NEDD4L: variants seen among roughly 807,000 people sequenced by gnomAD.
NEDD4L encodes the protein NEDD4 like E3 ubiquitin protein ligase.
A neutral mutation model predicts 148.9 loss-of-function variants in NEDD4L; 54 were observed. That is an observed-to-expected ratio of 0.36 (90% CI 0.29 to 0.45). NEDD4L has a LOEUF of 0.45. NEDD4L is among the 20% of genes least tolerant of loss of function. NEDD4L has a pLI of 1.00. For missense variants in NEDD4L, 856 were observed against 1,233.8 expected, an observed-to-expected ratio of 0.69 and a Z score of 4.59; for synonymous variants, 433 against 440.7, an observed-to-expected ratio of 0.98 and a Z score of 0.22.
At chr18:58,301,688 C>G (rs781530218) in intron 5 of NEDD4L, among the ~76,000 whole-genome samples, 2 of 152,156 alleles carry the variant, frequency 1.3e-5, no homozygotes, top group African/African-American at 4.8e-5. Flanking sequence ...GTTGGAGCAG[C>G]CTGTGTTTTT....
At chr18:58,246,462 G>T (rs1262625420) in intron 3 of NEDD4L, among the ~76,000 whole-genome samples, 2 of 151,910 alleles carry the variant, frequency 1.3e-5, no homozygotes, top group African/African-American at 4.8e-5. Flanking sequence ...ATGTCTTTTA[G>T]TTATTTATTT....
In NEDD4L at chr18:58,141,482, G is replaced by T. The variant is rs547722550; in HGVS notation, c.49-24306G>T. 6.6e-5 allele frequency among the ~76,000 whole-genome samples: 10 copies of T among 152,034 alleles called. No homozygotes were observed. In the East Asian group the frequency reaches 7.7e-4, roughly 12 times the overall value. On this transcript the variant is annotated intron_variant, in intron 1 of 30. Coordinates refer to ENST00000400345, the MANE Select transcript of NEDD4L (RefSeq NM_001144967.3). ...TGATTCCTTTGAAAGACAATTTTTGGGTTTTTTTTGTTTTTTTTAAAAAAA... is the reference window on the plus strand; with the variant it reads ...TGATTCCTTTGAAAGACAATTTTTGTGTTTTTTTTGTTTTTTTTAAAAAAA...
At chr18:58,173,431 C>A (rs1474083343) in intron 2 of NEDD4L, among the ~76,000 whole-genome samples, 1 of 152,210 alleles carries the variant, frequency 6.6e-6, no homozygotes, top group African/African-American at 2.4e-5. Context: ...GGGTTGCTAT[C>A]AGTTTTTCTT....
At chr18:58,316,375 GCTT>G (rs1295835084) in intron 6 of NEDD4L, among the ~76,000 whole-genome samples, 1 of 152,146 alleles carries the variant, frequency 6.6e-6, no homozygotes, top group Non-Finnish European at 1.5e-5. Context: ...TACTGTCTCT[GCTT>G]CCTAATGCAT....
intron 1 of NEDD4L, among the ~76,000 whole-genome samples, chr18:58,161,120 GATTCTCCTGCCTCC>G (rs906969314): frequency 2.0e-5 from 3 of 152,120 alleles, no homozygotes; most frequent in African/African-American, 4.8e-5. Flanking sequence ...GGGTTCAAGC[GATTCTCCTGCCTCC>G]ATTCTCCTGC....
intron 29 of NEDD4L, 118 bp downstream of exon 29, chr18:58,390,860 G>T (rs2049725638): frequency 1.4e-6 from 1 of 721,502 alleles, no homozygotes; most frequent in East Asian, 2.7e-5. Flanking sequence ...AGGACAGTGT[G>T]CCATGCATAG....
At chr18:58,248,249 T>C (rs948268934) in intron 3 of NEDD4L, among the ~76,000 whole-genome samples, 22 of 152,344 alleles carry the variant, frequency 1.4e-4, no homozygotes, top group African/African-American at 5.1e-4. Context: ...AGGACAAAGG[T>C]ATCCTTGCCA....
chr18:58,183,734 G>C (rs1057252338), intron 2 of NEDD4L, among the ~76,000 whole-genome samples: 6 of 152,152 alleles, frequency 3.9e-5, no homozygotes, highest in African/African-American at 1.4e-4. Context: ...GTTTTTACTT[G>C]GTTCACCGTA....
chr18:58,368,909 A>C (rs1009057226), intron 22 of NEDD4L, among the ~76,000 whole-genome samples: 2 of 152,178 alleles, frequency 1.3e-5, no homozygotes, highest in South Asian at 4.1e-4. Context: ...ATTCACTCCA[A>C]CTTTCTCAGA....
intron 1 of NEDD4L, among the ~76,000 whole-genome samples, chr18:58,130,349 T>C (rs2031881803): frequency 6.9e-6 from 1 of 144,744 alleles, no homozygotes. Flanking sequence ...TGTTGGGGTT[T>C]GGTTGACTGT....
chr18:58,139,195 CT>C (rs1443216358), intron 1 of NEDD4L, among the ~76,000 whole-genome samples: 1 of 152,152 alleles, frequency 6.6e-6, no homozygotes, highest in East Asian at 1.9e-4. Flanking sequence ...TTTCTGTAGT[CT>C]TTGACTGCAT....
At position 58,385,860 on chromosome 18, in the gene NEDD4L, G is replaced by A. The variant is rs17064944; in HGVS notation, c.2487+274G>A. Among the ~76,000 whole-genome samples, 1,972 of 151,958 alleles carry A rather than the reference G, an allele frequency of 0.013. 45 individuals are homozygous for A. Among genetic ancestry groups the A allele is most frequent in the African/African-American group, 0.046 (1,902 of 41,396 alleles). On this transcript the variant is annotated intron_variant, in intron 26 of 30. Coordinates refer to ENST00000400345, the MANE Select transcript of NEDD4L (RefSeq NM_001144967.3). ...CATTTGTCCTGTTTTTAAAGAGGAC[G>A]TTTTACAGACTTGATCTAGAACCAT...
intron 23 of NEDD4L, among the ~76,000 whole-genome samples, chr18:58,371,045 A>AT (rs1229454804): frequency 6.7e-6 from 1 of 150,126 alleles, no homozygotes; most frequent in Non-Finnish European, 1.5e-5. Flanking sequence ...TTTTTTTTTT[A>AT]TTTTTTTTAT....
At chr18:58,362,361 T>A (rs1284271111) in intron 19 of NEDD4L, among the ~76,000 whole-genome samples, 3 of 152,206 alleles carry the variant, frequency 2.0e-5, no homozygotes, top group African/African-American at 7.2e-5. Flanking sequence ...CAAAAAATAG[T>A]TGCTGGGAAT....
At chr18:58,052,622 A>C (rs1464985715) in intron 1 of NEDD4L, among the ~76,000 whole-genome samples, 2 of 149,308 alleles carry the variant, frequency 1.3e-5, no homozygotes, top group East Asian at 4.0e-4. Flanking sequence ...ACCAAAAGAA[A>C]AGGGCCATTC....
chr18:58,157,108 A>G (rs536814200), intron 1 of NEDD4L, among the ~76,000 whole-genome samples: 1 of 150,582 alleles, frequency 6.6e-6, no homozygotes, highest in African/African-American at 2.4e-5. Context: ...GGATTGCTTG[A>G]GCCTGGGAGG....
chr18:58,392,051 G>A (rs1332451668), intron 30 of NEDD4L, among the ~76,000 whole-genome samples: 1 of 152,238 alleles, frequency 6.6e-6, no homozygotes, highest in Non-Finnish European at 1.5e-5. Context: ...GGGCTGACAC[G>A]TGGCCAGGGA....
chr18:58,085,470 G>A (rs1430682816), intron 1 of NEDD4L, among the ~76,000 whole-genome samples: 2 of 152,190 alleles, frequency 1.3e-5, no homozygotes, highest in Non-Finnish European at 2.9e-5. Context: ...ACTGAGGAGG[G>A]AAGAGGCTGA....
At chr18:58,082,102 A>ATATATTTTTTTTTTTTTTTTTTTTTT in intron 1 of NEDD4L, among the ~76,000 whole-genome samples, 5 of 48,832 alleles carry the variant, frequency 1.0e-4, no homozygotes, top group Non-Finnish European at 1.6e-4. Flanking sequence ...ATATATATAT[A>ATATATTTTTTTTTTTTTTTTTTTTTT]TTTTTTTTTT....
Sources: gnomAD v4.1 joint callset for allele counts (sites outside exome capture counted in the v4.1 genomes callset) on GRCh38, gnomAD v4.1.1 for gene constraint, MANE v1.5 for transcripts, NCBI Gene and HGNC (gene_info 2026-07-23, HGNC 2026-07-21) for gene names.